CYFIP1: variants seen among roughly 807,000 people sequenced by gnomAD.
CYFIP1 encodes cytoplasmic FMR1-interacting protein 1.
A neutral mutation model predicts 163.5 loss-of-function variants in CYFIP1; 58 were observed. The ratio of observed to expected loss-of-function variants is 0.35; its 90% CI spans 0.29 to 0.44. The LOEUF is 0.44. Among genes scored for constraint, CYFIP1 ranks in the 20% least tolerant of loss-of-function variants. The pLI is 1.00. For synonymous variants in CYFIP1, 663 were observed against 660.7 expected (o/e 1.00, Z -0.05); for missense variants, 1,338 against 1,653.8 (o/e 0.81, Z 3.31).
chr15:22,962,700 G>A (rs895614575), intron 1 of CYFIP1, among the ~76,000 whole-genome samples: 4 of 151,962 alleles, frequency 2.6e-5, no homozygotes, highest in East Asian at 3.9e-4. Flanking sequence ...CACCACGCCC[G>A]GCCATAGCTC....
intron 1 of CYFIP1, among the ~76,000 whole-genome samples, chr15:22,963,427 T>G (rs185168096): frequency 6.6e-6 from 1 of 151,698 alleles, no homozygotes; most frequent in Non-Finnish European, 1.5e-5. Flanking sequence ...GAGGTGGAGG[T>G]TGCAGTGAGC....
chr15:22,901,249 C>G (rs575871678), intron 22 of CYFIP1, among the ~76,000 whole-genome samples: 24 of 152,056 alleles, frequency 1.6e-4, no homozygotes, highest in African/African-American at 5.8e-4. Flanking sequence ...TGCTGTTCAA[C>G]CACCAGTGTG....
chr15:22,892,963 A>T lies in CYFIP1; in HGVS notation c.2603T>A (p.Val868Glu). The change falls in exon 23 of 31, where the codon GTG (valine) becomes GAG (glutamate). Residue 868 changes from valine (V) to glutamate (E), a missense_variant. Val to Glu is a moderately radical substitution (Grantham distance 121). Around this residue, in one of 4 missense-constraint regions of CYFIP1, gnomAD observed 824 missense variants for 995.7 expected, o/e 0.83. Coordinates refer to ENST00000617928, the MANE Select transcript of CYFIP1 (RefSeq NM_014608.6). Reference sequence around the variant, plus strand: ...TTGAAATTCCTGAGAAAATGGTAACACTGTCCGAACAAACCTAAACAAGAA... The same window carrying T: ...TTGAAATTCCTGAGAAAATGGTAACTCTGTCCGAACAAACCTAAACAAGAA... Reference protein sequence around the residue: ...NGSTNRFVRTVLPFSQEFQRD... With the variant: ...NGSTNRFVRTELPFSQEFQRD... 1 of 1,612,528 alleles carries T rather than the reference A, an allele frequency of 6.2e-7. No homozygotes were observed. Among genetic ancestry groups the T allele is most frequent in the Non-Finnish European group, 8.5e-7 (1 of 1,178,864 alleles).
At position 22,943,556 on chromosome 15, in the gene CYFIP1, T is replaced by C. The variant is rs17137229; in HGVS notation, c.388-202A>G. 9.9e-3 allele frequency among the ~76,000 whole-genome samples: 1,501 copies of C among 152,348 alleles called. 15 individuals are homozygous for C. Among genetic ancestry groups the C allele is most frequent in the Non-Finnish European group, 0.014 (960 of 68,018 alleles). On this transcript the variant is annotated intron_variant, in intron 5 of 30. Transcript: ENST00000617928. ...ACTGCCTGCTCTGCACCATCATTACTTGACTTGCACTTTACCAACTACATC... is the reference window on the plus strand; with the variant it reads ...ACTGCCTGCTCTGCACCATCATTACCTGACTTGCACTTTACCAACTACATC...
chr15:22,876,062 C>T (rs762796535), intron 26 of CYFIP1, among the ~76,000 whole-genome samples: 10 of 151,604 alleles, frequency 6.6e-5, no homozygotes, highest in South Asian at 2.1e-4. Context: ...ACCACCCCCA[C>T]GGAGCAGGCA....
Position 22,882,988 on chromosome 15 carries a change from G to A in CYFIP1, c.2700C>T (p.Ser900=). ...CGAAGTTCCGGTAGCTGCCGTAAAT[G>A]CTGGAGTAGGCCAAGTTCAAAGCCT... is the stretch of plus-strand genomic sequence containing the variant. ...GSKALNLAYS[S]IYGSYRNFVG... Residue 900 remains serine (S), a synonymous_variant, in exon 24 of 31, where the codon AGC becomes AGT. Coordinates refer to ENST00000617928, the MANE Select transcript of CYFIP1 (RefSeq NM_014608.6). 6.2e-7 allele frequency: 1 copy of A among 1,613,940 alleles called. No homozygotes were observed. Among genetic ancestry groups the A allele is most frequent in the Non-Finnish European group, 8.5e-7 (1 of 1,179,866 alleles).
intron 5 of CYFIP1, 133 bp from the exon 6 acceptor site, chr15:22,943,487 G>C: frequency 1.0e-6 from 1 of 975,334 alleles, no homozygotes; most frequent in Non-Finnish European, 1.5e-6. Flanking sequence ...AGGCCGAAGT[G>C]TTTACAATGT....
In CYFIP1 at chr15:22,932,238, G is replaced by T. The variant is rs1206392736; in HGVS notation, c.1095C>A (p.Arg365=). ...CGGGGCGCACCTCGCTGTTGCTGTA[G>T]CGCGCCAGCTCCGAAATGAAGCGCA... ...DHMRFISELA[R]YSNSEVVTGS... The change falls in exon 11 of 31, where the codon CGC becomes CGA. Residue 365 remains arginine (R), a synonymous_variant. Transcript: ENST00000617928. 6.2e-7 allele frequency: 1 copy of T among 1,611,470 alleles called. No individual in the cohort carries two copies.
chr15:22,960,040 AAGTGCACCCACG>A (rs1035380029), intron 1 of CYFIP1, among the ~76,000 whole-genome samples: 6 of 152,112 alleles, frequency 3.9e-5, no homozygotes, highest in Non-Finnish European at 8.8e-5. Context: ...CTCCTGCACC[AAGTGCACCCACG>A]AGGAGCTGCA....
In CYFIP1 at chr15:22,904,162, G is replaced by A. The variant is rs147165654; in HGVS notation, c.2389-257C>T. On this transcript the variant is annotated intron_variant, in intron 21 of 30. Transcript: ENST00000617928. ...TACCCCTGCTGTCCAGCACCCTGTG[G>A]GGCAGCGTGCACGTGTGGCCTGCTA... The A allele has an allele frequency of 4.8e-4, 266 of 558,446 alleles. 3 individuals are homozygous for A. In the East Asian group the frequency reaches 6.9e-3, roughly 15 times the overall value. 34.6% of individuals were successfully genotyped at this position (558,446 alleles called of 1,614,324 possible).
At chr15:22,961,777 A>G (rs2062690512) in intron 1 of CYFIP1, among the ~76,000 whole-genome samples, 1 of 152,132 alleles carries the variant, frequency 6.6e-6, no homozygotes. Flanking sequence ...CAACTGACAG[A>G]TGGACTTACT....
chr15:22,906,520 C>T (rs796957963), intron 21 of CYFIP1, among the ~76,000 whole-genome samples: 8 of 140,750 alleles, frequency 5.7e-5, no homozygotes, highest in African/African-American at 2.2e-4. Flanking sequence ...GGCTGGAGTG[C>T]AGTGGCACAA....
intron 23 of CYFIP1, among the ~76,000 whole-genome samples, chr15:22,884,135 AG>A (rs2059867086): frequency 6.6e-6 from 1 of 151,934 alleles, no homozygotes; most frequent in African/African-American, 2.4e-5. Flanking sequence ...TGGGGGACAC[AG>A]CCAAACCTTA....
intron 13 of CYFIP1, 77 bp from the exon 14 acceptor site, chr15:22,918,935 G>A: frequency 8.2e-7 from 1 of 1,213,876 alleles, no homozygotes; most frequent in Non-Finnish European, 1.2e-6. Context: ...CATGCCGGGG[G>A]CTGCTCCTCC....
intron 30 of CYFIP1, among the ~76,000 whole-genome samples, chr15:22,871,117 T>C (rs1409828278): frequency 6.6e-6 from 1 of 151,970 alleles, no homozygotes; most frequent in African/African-American, 2.4e-5. Context: ...CCTGAGTTGG[T>C]AGCACCCCAT....
chr15:22,889,415 C>CAG (rs2060009345), intron 23 of CYFIP1, among the ~76,000 whole-genome samples: 1 of 152,202 alleles, frequency 6.6e-6, no homozygotes, highest in Admixed American at 6.5e-5. Context: ...ATGGAAGCAA[C>CAG]AGTGCCTCCC....
At chr15:22,910,962 C>A in intron 18 of CYFIP1, 149 bp from the exon 19 acceptor site, 2 of 680,398 alleles carry the variant, frequency 2.9e-6, no homozygotes, top group Non-Finnish European at 2.5e-6. Context: ...CAGGCTGGAG[C>A]GCAGTAGTGC....
intron 22 of CYFIP1, among the ~76,000 whole-genome samples, chr15:22,896,134 T>G (rs1324781744): frequency 6.6e-6 from 1 of 152,118 alleles, no homozygotes; most frequent in African/African-American, 2.4e-5. Context: ...AAAGGCAGTC[T>G]TGTGGAGGAC....
At chr15:22,873,067 G>T in intron 29 of CYFIP1, 95 bp from the exon 30 acceptor site, 1 of 1,376,842 alleles carries the variant, frequency 7.3e-7, no homozygotes, top group Admixed American at 2.0e-5. Flanking sequence ...CAAGCCATCT[G>T]CATTACTGTC....
Sources: allele counts gnomAD v4.1 joint callset (sites outside exome capture counted in the v4.1 genomes callset), GRCh38; gene constraint gnomAD v4.1.1; regional missense constraint gnomAD v4.1.1; transcripts MANE v1.5; gene names NCBI Gene and HGNC (gene_info 2026-07-23, HGNC 2026-07-21).